The following GRB14 variants were observed in gnomAD, a reference collection of about 807,000 sequenced individuals.
GRB14 encodes the protein growth factor receptor-bound protein 14.
In GRB14, 38 loss-of-function variants were observed where a neutral mutation model predicts 69.1. The observed-to-expected ratio is 0.55, with a 90% CI of 0.42 to 0.72. The LOEUF is 0.72. Ranked by LOEUF, GRB14 falls within the 30% of genes least tolerant of loss-of-function variation. The probability of loss-of-function intolerance (pLI) is 0.00; values close to 1 mark genes in which losing one functional copy is unlikely to be tolerated. For synonymous variants in GRB14, 247 were observed against 241.3 expected, an observed-to-expected ratio of 1.02 and a Z score of -0.22; for missense variants, 666 against 666.1, an observed-to-expected ratio of 1.00 and a Z score of 0.00.
chr2:164,524,349 T>C (rs1390384326), intron 5 of GRB14, among the ~76,000 whole-genome samples: 2 of 152,128 alleles, frequency 1.3e-5, no homozygotes, highest in African/African-American at 2.4e-5. Flanking sequence ...AGAAAATAAC[T>C]GAAATTATTC....
At chr2:164,591,614 C>T (rs748477108) in intron 2 of GRB14, among the ~76,000 whole-genome samples, 9 of 152,164 alleles carry the variant, frequency 5.9e-5, no homozygotes, top group Non-Finnish European at 1.2e-4. Context: ...GGTTGTTGGT[C>T]TGAGGGCCAT....
At chr2:164,565,688 C>A (rs574298506) in intron 2 of GRB14, among the ~76,000 whole-genome samples, 155 of 152,268 alleles carry the variant, frequency 1.0e-3, no homozygotes, top group Non-Finnish European at 1.9e-3. Context: ...AGGATGTGAT[C>A]GTTTCTGAAG....
rs187971541 is a variant in GRB14 at position 164,553,397 on chromosome 2, T to A, written c.325-5581A>T. On this transcript the variant is annotated intron_variant, in intron 2 of 13. Transcript: ENST00000263915. ...TTCTGGAATAAGTGCATATATTTCA[T>A]TGTTAGAATGAATAAAACCTGCTGA... Among the ~76,000 whole-genome samples the A allele has an allele frequency of 2.0e-4, 31 of 152,350 alleles. 1 individual carries two copies. The East Asian group carries it at 5.8e-3, about 28-fold the overall frequency.
intron 3 of GRB14, among the ~76,000 whole-genome samples, chr2:164,543,045 C>A (rs905229797): frequency 6.6e-6 from 1 of 152,090 alleles, no homozygotes; most frequent in African/African-American, 2.4e-5. Context: ...GTAATCCTAG[C>A]ACTTTGGGAG....
chr2:164,602,549 C>G (rs1049602103), intron 2 of GRB14, among the ~76,000 whole-genome samples: 1 of 152,160 alleles, frequency 6.6e-6, no homozygotes, highest in South Asian at 2.1e-4. Context: ...TGATTATAAG[C>G]TAATGAGCTC....
chr2:164,559,028 T>G (rs1688754159), intron 2 of GRB14, among the ~76,000 whole-genome samples: 2 of 152,192 alleles, frequency 1.3e-5, no homozygotes, highest in Non-Finnish European at 2.9e-5. Context: ...CCCTTAATGG[T>G]ATGTTATAGT....
At chr2:164,586,199 A>T (rs1161791920) in intron 2 of GRB14, among the ~76,000 whole-genome samples, 1 of 152,220 alleles carries the variant, frequency 6.6e-6, no homozygotes. Context: ...AGAGCATGGG[A>T]TAGATCTGGG....
chr2:164,501,113 A>G (rs934031699), intron 9 of GRB14, among the ~76,000 whole-genome samples: 1 of 152,136 alleles, frequency 6.6e-6, no homozygotes, highest in African/African-American at 2.4e-5. Flanking sequence ...ATGTAAAAAC[A>G]TTCATCTTAA....
In GRB14 at chr2:164,547,700, G is replaced by C; in HGVS notation, c.441C>G (p.His147Gln). ...LILKNHYIDDHSWTLFEHLPH... is the reference protein window; with the variant it reads ...LILKNHYIDDQSWTLFEHLPH... ...GCAGGTGCTCAAAAAGGGTCCAGCTGTGGTCATCAATGTAATGATTCTTCA... is the reference window on the plus strand; with the variant it reads ...GCAGGTGCTCAAAAAGGGTCCAGCTCTGGTCATCAATGTAATGATTCTTCA... Residue 147 changes from histidine (H) to glutamine (Q), a missense_variant, in exon 3 of 14, where the codon CAC becomes CAG. By Grantham distance (24) the His-to-Gln change is conservative (BLOSUM62 0). Coordinates refer to ENST00000263915, the MANE Select transcript of GRB14 (RefSeq NM_004490.3). 1 of 1,613,856 alleles carries C rather than the reference G, an allele frequency of 6.2e-7. No individual in the cohort carries two copies. Among genetic ancestry groups the C allele is most frequent in the Non-Finnish European group, 8.5e-7 (1 of 1,179,830 alleles).
At chr2:164,602,922 T>C (rs918368925) in intron 2 of GRB14, among the ~76,000 whole-genome samples, 1 of 152,118 alleles carries the variant, frequency 6.6e-6, no homozygotes, top group African/African-American at 2.4e-5. Context: ...GGAAAAGAGA[T>C]ATGCAGGAAG....
At chr2:164,494,400 A>T (rs1471731219) in intron 13 of GRB14, 31 bp downstream of exon 13, 2 of 1,148,154 alleles carry the variant, frequency 1.7e-6, no homozygotes, top group Non-Finnish European at 2.6e-6. Flanking sequence ...GTCATTTCTA[A>T]TACACAAATG....
At chr2:164,577,686 T>C (rs773495560) in intron 2 of GRB14, among the ~76,000 whole-genome samples, 9 of 152,286 alleles carry the variant, frequency 5.9e-5, no homozygotes, top group Admixed American at 1.3e-4. Context: ...CACTAATATA[T>C]AATAAAACTG....
chr2:164,591,480 A>G (rs1574338957), intron 2 of GRB14, among the ~76,000 whole-genome samples: 1 of 152,200 alleles, frequency 6.6e-6, no homozygotes, highest in African/African-American at 2.4e-5. Context: ...GTGTTCTTCA[A>G]TAAATGAGGT....
At chr2:164,580,541 C>T (rs750119883) in intron 2 of GRB14, among the ~76,000 whole-genome samples, 7 of 151,804 alleles carry the variant, frequency 4.6e-5, no homozygotes, top group Non-Finnish European at 7.4e-5. Context: ...CCCATTTCTA[C>T]TAAAAATACA....
intron 8 of GRB14, 32 bp downstream of exon 8, chr2:164,508,423 T>G: frequency 2.6e-6 from 4 of 1,540,410 alleles, no homozygotes; most frequent in Non-Finnish European, 2.7e-6. Flanking sequence ...CTCACAGCAG[T>G]TAATAGAAAT....
chr2:164,576,972 T>A (rs1408812111), intron 2 of GRB14, among the ~76,000 whole-genome samples: 1 of 151,796 alleles, frequency 6.6e-6, no homozygotes, highest in Non-Finnish European at 1.5e-5. Flanking sequence ...ACCAGAGAAA[T>A]GATAAGAATC....
chr2:164,564,288 G>C (rs1024256283), intron 2 of GRB14, among the ~76,000 whole-genome samples: 21 of 152,360 alleles, frequency 1.4e-4, no homozygotes, highest in Non-Finnish European at 2.1e-4. Context: ...GGCTTCAAGG[G>C]AAGCTGGGCA....
chr2:164,527,769 T>C (rs987751563), intron 3 of GRB14, among the ~76,000 whole-genome samples: 8 of 152,008 alleles, frequency 5.3e-5, no homozygotes, highest in African/African-American at 1.4e-4. Flanking sequence ...ACAATGAAGA[T>C]AATTAAGTGG....
intron 2 of GRB14, among the ~76,000 whole-genome samples, chr2:164,579,104 C>T (rs1422662119): frequency 6.6e-6 from 1 of 152,082 alleles, no homozygotes; most frequent in Non-Finnish European, 1.5e-5. Flanking sequence ...ATATCCTATA[C>T]TTCTATATAA....
Sources: gnomAD v4.1 joint callset for allele counts (sites outside exome capture counted in the v4.1 genomes callset) on GRCh38, gnomAD v4.1.1 for gene constraint, MANE v1.5 for transcripts, NCBI Gene and HGNC (gene_info 2026-07-23, HGNC 2026-07-21) for gene names.